NEDD4L: variants seen among roughly 807,000 people sequenced by gnomAD.
NEDD4L encodes the protein NEDD4 like E3 ubiquitin protein ligase, also known as E3 ubiquitin-protein ligase NEDD4-like.
Under a neutral mutation model 148.9 loss-of-function variants are expected in NEDD4L, and 54 were observed. That is an observed-to-expected ratio of 0.36 (90% CI 0.29 to 0.45). The LOEUF is 0.45. NEDD4L is among the 20% of genes least tolerant of loss of function. NEDD4L has a pLI of 1.00. For missense variants in NEDD4L, 856 were observed against 1,233.8 expected (o/e 0.69, Z 4.59); for synonymous variants, 433 against 440.7 (o/e 0.98, Z 0.22).
At chr18:58,379,004 C>T (rs1012181937) in intron 24 of NEDD4L, among the ~76,000 whole-genome samples, 4 of 152,238 alleles carry the variant, frequency 2.6e-5, no homozygotes, top group African/African-American at 4.8e-5. Flanking sequence ...TGTTCTCCCA[C>T]GAGCTCTTGC....
intron 7 of NEDD4L, 95 bp downstream of exon 7, chr18:58,322,581 G>C (rs1488632472): frequency 3.7e-5 from 25 of 670,734 alleles, no homozygotes; most frequent in Non-Finnish European, 6.0e-5. Context: ...GATATGGGTG[G>C]GTGGGGATGT....
intron 2 of NEDD4L, among the ~76,000 whole-genome samples, chr18:58,198,921 C>T (rs1248657122): frequency 1.3e-5 from 2 of 152,288 alleles, no homozygotes; most frequent in African/African-American, 4.8e-5. Context: ...TCTCCTGCCT[C>T]AGCCTCCCAA....
intron 2 of NEDD4L, among the ~76,000 whole-genome samples, chr18:58,216,067 T>A (rs929633451): frequency 6.6e-6 from 1 of 152,132 alleles, no homozygotes; most frequent in African/African-American, 2.4e-5. Context: ...AGGATTTAAA[T>A]ACTTTTGGTA....
chr18:58,276,825 C>A (rs2052139178), intron 5 of NEDD4L, among the ~76,000 whole-genome samples: 5 of 152,064 alleles, frequency 3.3e-5, no homozygotes, highest in Admixed American at 3.3e-4. Flanking sequence ...ATGAGCAAAG[C>A]CTTCCATCTG....
rs572664873 is a variant in NEDD4L at position 58,298,749 on chromosome 18, A to G, written c.298-17233A>G. 2.9e-4 allele frequency among the ~76,000 whole-genome samples: 44 copies of G among 152,320 alleles called. 1 individual carries two copies. The South Asian group carries it at 8.9e-3, about 31-fold the overall frequency. On this transcript the variant is annotated intron_variant, in intron 5 of 30. Transcript: ENST00000400345. ...GATGACAAACATTTCTGGGGATATC[A>G]TGTCACCTTGGATATAGAACAGTCT...
At chr18:58,207,372 G>A (rs529396902) in intron 2 of NEDD4L, among the ~76,000 whole-genome samples, 18 of 151,442 alleles carry the variant, frequency 1.2e-4, no homozygotes, top group African/African-American at 4.1e-4. Context: ...CCAATGCAGC[G>A]TCCTTGAAAC....
chr18:58,191,171 C>A (rs8083578), intron 2 of NEDD4L, among the ~76,000 whole-genome samples: 1 of 151,960 alleles, frequency 6.6e-6, no homozygotes, highest in African/African-American at 2.4e-5. Context: ...AAAGAACTTA[C>A]AACAAACTGA....
chr18:58,060,679 T>C (rs1467645468), intron 1 of NEDD4L, among the ~76,000 whole-genome samples: 1 of 152,210 alleles, frequency 6.6e-6, no homozygotes, highest in Non-Finnish European at 1.5e-5. Flanking sequence ...AGCCTATCTC[T>C]ATTAAATACT....
At chr18:58,222,507 C>A (rs1465420551) in intron 2 of NEDD4L, among the ~76,000 whole-genome samples, 1 of 152,204 alleles carries the variant, frequency 6.6e-6, no homozygotes, top group East Asian at 1.9e-4. Context: ...TCCCACCCTT[C>A]CTACTCATAC....
At chr18:58,114,244 C>T (rs560431469) in intron 1 of NEDD4L, among the ~76,000 whole-genome samples, 50 of 152,158 alleles carry the variant, frequency 3.3e-4, no homozygotes, top group African/African-American at 1.0e-3. Flanking sequence ...TTGTTATTTA[C>T]GCTCAAGATG....
At chr18:58,325,195 AC>A (rs2059204339) in intron 9 of NEDD4L, 33 bp downstream of exon 9, 1 of 1,611,418 alleles carries the variant, frequency 6.2e-7, no homozygotes, top group Non-Finnish European at 8.5e-7. Flanking sequence ...GAACACGTGC[AC>A]GTGCACTGCA....
intron 1 of NEDD4L, among the ~76,000 whole-genome samples, chr18:58,083,321 G>T (rs1348565330): frequency 6.6e-6 from 1 of 152,184 alleles, no homozygotes; most frequent in Non-Finnish European, 1.5e-5. Context: ...GAAGGGGAGG[G>T]AGTATACCTC....
At chr18:58,190,372 A>T (rs2039973177) in intron 2 of NEDD4L, among the ~76,000 whole-genome samples, 1 of 152,238 alleles carries the variant, frequency 6.6e-6, no homozygotes, top group South Asian at 2.1e-4. Context: ...GTATATCTTT[A>T]TAATGGAATA....
At chr18:58,123,444 T>C (rs995467503) in intron 1 of NEDD4L, among the ~76,000 whole-genome samples, 1 of 152,144 alleles carries the variant, frequency 6.6e-6, no homozygotes, top group Non-Finnish European at 1.5e-5. Flanking sequence ...TCCGGTGCCC[T>C]CAGGGGACTT....
intron 1 of NEDD4L, among the ~76,000 whole-genome samples, chr18:58,160,414 C>A (rs577205341): frequency 6.6e-6 from 1 of 152,242 alleles, no homozygotes; most frequent in Non-Finnish European, 1.5e-5. Context: ...ATAGAATCAC[C>A]CCGTTACACA....
chr18:58,297,296 C>T (rs1292110865), intron 5 of NEDD4L, among the ~76,000 whole-genome samples: 3 of 152,118 alleles, frequency 2.0e-5, no homozygotes, highest in Admixed American at 1.3e-4. Context: ...AAGGATGGGG[C>T]AGCTTATGGA....
chr18:58,087,870 A>G (rs951989532), intron 1 of NEDD4L, among the ~76,000 whole-genome samples: 2 of 152,226 alleles, frequency 1.3e-5, no homozygotes, highest in Non-Finnish European at 2.9e-5. Context: ...GTGAAACTCC[A>G]TCTCAAAACA....
At chr18:58,263,491 G>T (rs1203698949) in intron 5 of NEDD4L, among the ~76,000 whole-genome samples, 1 of 152,046 alleles carries the variant, frequency 6.6e-6, no homozygotes, top group African/African-American at 2.4e-5. Context: ...TATTAAGCAT[G>T]TTAAATACTT....
intron 1 of NEDD4L, among the ~76,000 whole-genome samples, chr18:58,074,103 T>C (rs1171156183): frequency 1.3e-5 from 2 of 152,142 alleles, no homozygotes; most frequent in Non-Finnish European, 2.9e-5. Flanking sequence ...AATTCCTGAA[T>C]GAGGAAGTTA....
Sources: allele counts gnomAD v4.1 joint callset (sites outside exome capture counted in the v4.1 genomes callset), GRCh38; gene constraint gnomAD v4.1.1; transcripts MANE v1.5; gene names NCBI Gene and HGNC (gene_info 2026-07-23, HGNC 2026-07-21).